Variants in CUX2 observed in about 807,000 individuals in gnomAD.
CUX2 encodes cut like homeobox 2, also known as homeobox protein cut-like 2.
Under a neutral mutation model 144.8 loss-of-function variants are expected in CUX2, and 40 were observed. That is an observed-to-expected ratio of 0.28 (90% CI 0.21 to 0.36). CUX2 has a LOEUF of 0.36. Among genes scored for constraint, CUX2 ranks in the 10% least tolerant of loss-of-function variants. CUX2 has a pLI of 1.00. For synonymous variants in CUX2, 827 were observed against 875.6 expected (o/e 0.94, Z 0.98); for missense variants, 1,615 against 1,994.0 (o/e 0.81, Z 3.62).
chr12:111,081,223 C>T (rs907731242), intron 1 of CUX2, among the ~76,000 whole-genome samples: 1 of 152,194 alleles, frequency 6.6e-6, no homozygotes, highest in African/African-American at 2.4e-5. Flanking sequence ...GGTTTACAAA[C>T]ACCCCTCTGG....
chr12:111,067,683 A>C (rs1284477967), intron 1 of CUX2, among the ~76,000 whole-genome samples: 2 of 152,210 alleles, frequency 1.3e-5, no homozygotes, highest in Non-Finnish European at 2.9e-5. Flanking sequence ...TGAATCAGAC[A>C]CAAGTCATGT....
intron 1 of CUX2, among the ~76,000 whole-genome samples, chr12:111,098,861 G>A (rs768292465): frequency 2.0e-5 from 3 of 152,218 alleles, no homozygotes; most frequent in South Asian, 2.1e-4. Flanking sequence ...CTTAGCAGCC[G>A]CCCATGGGGC....
chr12:111,314,642 A>G (rs1409020624), intron 16 of CUX2, among the ~76,000 whole-genome samples: 1 of 104,444 alleles, frequency 9.6e-6, no homozygotes, highest in African/African-American at 6.6e-5. Flanking sequence ...CTCAGTCTAA[A>G]AAAAAAAAAA....
intron 3 of CUX2, among the ~76,000 whole-genome samples, chr12:111,254,058 T>C (rs772271799): frequency 1.3e-4 from 20 of 152,150 alleles, no homozygotes; most frequent in Non-Finnish European, 2.8e-4. Flanking sequence ...TGTTAGTCTC[T>C]ACCCTTGGGA....
intron 1 of CUX2, among the ~76,000 whole-genome samples, chr12:111,148,284 C>A (rs995526666): frequency 4.7e-5 from 7 of 147,470 alleles, no homozygotes; most frequent in Non-Finnish European, 8.9e-5. Flanking sequence ...CCCAAAGGGA[C>A]AAATACTGTA....
At chr12:111,113,618 G>A (rs371803189) in intron 1 of CUX2, among the ~76,000 whole-genome samples, 2 of 152,198 alleles carry the variant, frequency 1.3e-5, no homozygotes, top group East Asian at 3.9e-4. Flanking sequence ...GCAGTGGCAC[G>A]ATCTCAGCTC....
intron 1 of CUX2, among the ~76,000 whole-genome samples, chr12:111,122,754 C>T (rs1421103103): frequency 2.6e-5 from 4 of 152,196 alleles, no homozygotes; most frequent in African/African-American, 9.6e-5. Context: ...AGAGAGCAAA[C>T]AGCCACCGGC....
At chr12:111,217,847 C>T (rs1881632842) in intron 2 of CUX2, 43 bp from the exon 3 acceptor site, 1 of 1,610,992 alleles carries the variant, frequency 6.2e-7, no homozygotes, top group African/African-American at 1.3e-5. Context: ...CGGGGGCGTC[C>T]CACCTGGCAC....
At position 111,279,022 on chromosome 12, in the gene CUX2, A is replaced by G. The variant is rs73416621; in HGVS notation, c.302-12396A>G. Reference sequence around the variant, plus strand: ...AAGAAATGAGTTCCCTGTACAATGTAAAATCTGGGAACACAGCACTGTGCG... The same window carrying G: ...AAGAAATGAGTTCCCTGTACAATGTGAAATCTGGGAACACAGCACTGTGCG... On this transcript the variant is annotated intron_variant, in intron 4 of 21. Coordinates refer to ENST00000261726, the MANE Select transcript of CUX2 (RefSeq NM_015267.4). Among the ~76,000 whole-genome samples, 500 of 152,324 alleles carry G rather than the reference A, an allele frequency of 3.3e-3. 4 individuals are homozygous for G. Among genetic ancestry groups the G allele is most frequent in the African/African-American group, 0.011 (476 of 41,564 alleles).
At chr12:111,284,868 G>A (rs1885296242) in intron 4 of CUX2, among the ~76,000 whole-genome samples, 1 of 152,178 alleles carries the variant, frequency 6.6e-6, no homozygotes, top group African/African-American at 2.4e-5. Flanking sequence ...CACCTACTGT[G>A]TGTCAGCAAA....
intron 21 of CUX2, among the ~76,000 whole-genome samples, chr12:111,344,164 G>A (rs572667294): frequency 8.5e-5 from 13 of 152,296 alleles, no homozygotes; most frequent in African/African-American, 3.1e-4. Flanking sequence ...TTCCCTCCCT[G>A]GGGGATATGG....
intron 1 of CUX2, among the ~76,000 whole-genome samples, chr12:111,079,613 G>A (rs927632587): frequency 6.6e-6 from 1 of 152,176 alleles, no homozygotes; most frequent in Non-Finnish European, 1.5e-5. Flanking sequence ...CCTGGCACGA[G>A]TAGTGATTTC....
chr12:111,145,051 C>A (rs1181090424), intron 1 of CUX2, among the ~76,000 whole-genome samples: 10 of 152,202 alleles, frequency 6.6e-5, no homozygotes, highest in Non-Finnish European at 1.5e-4. Flanking sequence ...AGCCTCCAGG[C>A]TGAGTTTCTG....
At chr12:111,106,314 C>T (rs2136076074) in intron 1 of CUX2, among the ~76,000 whole-genome samples, 1 of 147,654 alleles carries the variant, frequency 6.8e-6, no homozygotes, top group Non-Finnish European at 1.5e-5. Flanking sequence ...CCATGCCCAG[C>T]CCCAGCTAAT....
chr12:111,238,616 C>T (rs1882875672), intron 3 of CUX2, among the ~76,000 whole-genome samples: 2 of 152,168 alleles, frequency 1.3e-5, no homozygotes, highest in African/African-American at 4.8e-5. Context: ...TTGCCCTTAA[C>T]TATTATTTAT....
intron 1 of CUX2, among the ~76,000 whole-genome samples, chr12:111,131,010 C>A (rs1875435815): frequency 6.6e-6 from 1 of 152,188 alleles, no homozygotes; most frequent in Non-Finnish European, 1.5e-5. Context: ...TCAAGTTGTT[C>A]TTTTGGAGTG....
chr12:111,042,735 G>A (rs1197728695), intron 1 of CUX2, among the ~76,000 whole-genome samples: 1 of 151,710 alleles, frequency 6.6e-6, no homozygotes, highest in Non-Finnish European at 1.5e-5. Context: ...AGGCTCAGAT[G>A]ATCCTCCCAT....
chr12:111,058,057 A>G (rs983071640), intron 1 of CUX2, among the ~76,000 whole-genome samples: 9 of 152,224 alleles, frequency 5.9e-5, no homozygotes, highest in African/African-American at 2.2e-4. Context: ...GTTGTGTTGT[A>G]ATACTGTTAG....
intron 1 of CUX2, among the ~76,000 whole-genome samples, chr12:111,052,110 C>T (rs1315106547): frequency 1.3e-5 from 2 of 152,078 alleles, no homozygotes; most frequent in Non-Finnish European, 2.9e-5. Flanking sequence ...TCCCCGGCAC[C>T]ATAGCCCCCA....
Sources: allele counts gnomAD v4.1 joint callset (sites outside exome capture counted in the v4.1 genomes callset), GRCh38; gene constraint gnomAD v4.1.1; transcripts MANE v1.5; gene names NCBI Gene and HGNC (gene_info 2026-07-23, HGNC 2026-07-21).